Variants in NECTIN2 observed in about 807,000 individuals in gnomAD.
NECTIN2 encodes the protein nectin cell adhesion molecule 2.
NECTIN2 carries 23 observed loss-of-function variants against 56.9 expected under a neutral mutation model. The ratio of observed to expected loss-of-function variants is 0.40; its 90% CI spans 0.29 to 0.57. NECTIN2 has a LOEUF of 0.57. Ranked by LOEUF, NECTIN2 falls within the 20% of genes least tolerant of loss-of-function variation. The pLI, the probability that NECTIN2 is intolerant of heterozygous loss-of-function variation, is 0.38. For missense variants in NECTIN2, 587 were observed against 718.3 expected, an observed-to-expected ratio of 0.82 and a Z score of 2.09; for synonymous variants, 302 against 313.8, an observed-to-expected ratio of 0.96 and a Z score of 0.40.
At chr19:44,859,270 G>A (rs889719977) in intron 1 of NECTIN2, among the ~76,000 whole-genome samples, 2 of 152,164 alleles carry the variant, frequency 1.3e-5, no homozygotes, top group African/African-American at 4.8e-5. Context: ...TACTTAGCAA[G>A]CACTGACCTC....
At chr19:44,867,683 G>A (rs765422617) in intron 2 of NECTIN2, among the ~76,000 whole-genome samples, 5 of 152,124 alleles carry the variant, frequency 3.3e-5, no homozygotes, top group South Asian at 2.1e-4. Context: ...GGAGCTGGGC[G>A]CGTTCCAGGA....
chr19:44,886,080 C>T (rs977139536), intron 7 of NECTIN2, 53 bp from the exon 8 acceptor site: 24 of 1,572,692 alleles, frequency 1.5e-5, no homozygotes, highest in Middle Eastern at 3.3e-4. Flanking sequence ...CAGGGAGAAG[C>T]TGGCTGGGTG....
At chr19:44,848,502 T>C (rs1968862882) in intron 1 of NECTIN2, among the ~76,000 whole-genome samples, 1 of 151,956 alleles carries the variant, frequency 6.6e-6, no homozygotes, top group Admixed American at 6.6e-5. Context: ...GAGATAACAA[T>C]CCTTTCCCTG....
At chr19:44,877,795 C>G (rs1969256827) in intron 5 of NECTIN2, among the ~76,000 whole-genome samples, 1 of 152,330 alleles carries the variant, frequency 6.6e-6, no homozygotes, top group East Asian at 1.9e-4. Flanking sequence ...AGATCTATTG[C>G]ATCCAAATAG....
chr19:44,878,883 A>C (rs904384685), intron 5 of NECTIN2: 1 of 1,293,940 alleles, frequency 7.7e-7, no homozygotes, highest in African/African-American at 1.5e-5. Context: ...TTTTGGCTCC[A>C]GCCTTCCCCT....
rs539311376 is a variant in NECTIN2, at chr19:44,882,337, C to T, written c.1169C>T (p.Thr390Met). The T allele has an allele frequency of 9.9e-6, 15 of 1,520,820 alleles. No homozygotes were observed. Among genetic ancestry groups the T allele is most frequent in the African/African-American group, 1.4e-5 (1 of 71,650 alleles). The allele number at this position is 1,520,820 out of a possible 1,614,324, so 94.2% of individuals were successfully genotyped here. A position where few individuals can be genotyped will look rare whatever the true frequency, so the allele number is the denominator to read the frequency against. ...LICRQQRKEQ[T>M]LQGAEEDEDL... Reference sequence around the variant, plus strand: ...TGCCGGCAGCAGCGGAAGGAGCAGACGCTGCAGGGGGCAGAGGAGGACGAA... The same window carrying T: ...TGCCGGCAGCAGCGGAAGGAGCAGATGCTGCAGGGGGCAGAGGAGGACGAA... The change falls in exon 6 of 9, where the codon ACG becomes ATG. Residue 390 changes from threonine (T) to methionine (M), a missense_variant. Thr to Met is a moderately conservative substitution (Grantham distance 81). Coordinates refer to ENST00000252483, the MANE Select transcript of NECTIN2 (RefSeq NM_001042724.2).
At chr19:44,862,229 A>G (rs1357294076) in intron 1 of NECTIN2, among the ~76,000 whole-genome samples, 2 of 152,214 alleles carry the variant, frequency 1.3e-5, no homozygotes, top group East Asian at 3.9e-4. Context: ...TCTGGGTAAC[A>G]CGGTGAAACC....
Position 44,874,048 on chromosome 19 carries a change from CT to C in NECTIN2, c.893+16del. ...GACTGGAGCACGTGAGTCACGTGGT[CT>C]CAGAACCCTGGGTCTGAGGGAGGCG... On this transcript the variant is annotated intron_variant, in intron 4 of 8. Coordinates refer to ENST00000252483, the MANE Select transcript of NECTIN2 (RefSeq NM_001042724.2). This position sits in a 1 kb window ranked among gnomAD's most constrained non-coding sequence, Gnocchi z 6.3. 1 of 1,595,942 alleles carries C rather than the reference CT, an allele frequency of 6.3e-7. No homozygotes were observed. The highest frequency in any genetic ancestry group is 8.6e-7 in the Non-Finnish European group (1 of 1,164,880).
rs1447494018 is a variant in NECTIN2 at position 44,869,604 on chromosome 19, AAAAAAG to A, written c.479-2244_479-2239del. On this transcript the variant is annotated intron_variant, in intron 2 of 8. Transcript: ENST00000252483. ...CGAGACTCCATCTCAAAAAAAAAAAAAAAAAGAAAAGAAAATATGATTAAGTGTAGG... is the reference window on the plus strand; with the variant it reads ...CGAGACTCCATCTCAAAAAAAAAAAAAAAAGAAAATATGATTAAGTGTAGG... 3.4e-3 allele frequency among the ~76,000 whole-genome samples: 489 copies of A among 145,496 alleles called. 4 individuals carry two copies. Among genetic ancestry groups the A allele is most frequent in the Middle Eastern group, 6.8e-3 (2 of 294 alleles).
chr19:44,863,612 G>C (rs527575979), intron 1 of NECTIN2, among the ~76,000 whole-genome samples: 3 of 151,744 alleles, frequency 2.0e-5, no homozygotes, highest in Non-Finnish European at 2.9e-5. Flanking sequence ...TAGGGCCAAG[G>C]GGGGAGCTGA....
Position 44,875,600 on chromosome 19 carries a change from C to T in NECTIN2, c.1042+1122C>T, listed in dbSNP as rs1380164828. On this transcript the variant is annotated intron_variant, in intron 5 of 8. Transcript: ENST00000252483. This position sits in a 1 kb window ranked among gnomAD's most constrained non-coding sequence, Gnocchi z 4.2. ...CATTCTTAGAAACACGCCAGGGCGA[C>T]GGTCCATGCAGCACACCTGTGCAAA... Among the ~76,000 whole-genome samples the T allele has an allele frequency of 6.6e-6, 1 of 152,190 alleles. No homozygotes were observed. The highest frequency in any genetic ancestry group is 2.4e-5 in the African/African-American group (1 of 41,454).
intron 1 of NECTIN2, 60 bp downstream of exon 1, chr19:44,846,673 G>A (rs1228591060): frequency 1.9e-5 from 29 of 1,487,558 alleles, no homozygotes; most frequent in Non-Finnish European, 2.5e-5. Flanking sequence ...TACCTTCCGA[G>A]CTGGGGAAGC....
At chr19:44,862,878 G>A (rs982578610) in intron 1 of NECTIN2, among the ~76,000 whole-genome samples, 3 of 151,440 alleles carry the variant, frequency 2.0e-5, no homozygotes, top group Admixed American at 1.3e-4. Context: ...GGCCGGGCGC[G>A]GTGGCTCACG....
At chr19:44,858,457 G>A (rs1241489614) in intron 1 of NECTIN2, among the ~76,000 whole-genome samples, 1 of 151,930 alleles carries the variant, frequency 6.6e-6, no homozygotes, top group Non-Finnish European at 1.5e-5. Context: ...CAAGTAGCTG[G>A]GAATACAGGG....
At position 44,865,102 on chromosome 19, in the gene NECTIN2, C is replaced by T. The variant is rs911752881; in HGVS notation, c.89-169C>T. On this transcript the variant is annotated intron_variant, in intron 1 of 8. Transcript: ENST00000252483. The surrounding 1 kb of genome is among the most constrained non-coding windows in gnomAD (Gnocchi z 5.2). ...AATAGAATAGTCATTTTAGTCTTCC[C>T]TAAAATGTCTTTTCCAGGTGGCTTT... 6.6e-6 allele frequency among the ~76,000 whole-genome samples: 1 copy of T among 152,182 alleles called. No individual in the cohort carries two copies. Among genetic ancestry groups the T allele is most frequent in the African/African-American group, 2.4e-5 (1 of 41,442 alleles).
rs148706707 is a variant in NECTIN2 at position 44,868,526 on chromosome 19, G to A, written c.478+2866G>A. Among the ~76,000 whole-genome samples the A allele has an allele frequency of 7.2e-3, 1,003 of 139,366 alleles. 20 individuals carry two copies. The highest frequency in any genetic ancestry group is 0.025 in the African/African-American group (929 of 36,650). The allele number at this position is 139,366 out of a possible 152,430, so 91.4% of individuals were successfully genotyped here. A position where few individuals can be genotyped will look rare whatever the true frequency, so the allele number is the denominator to read the frequency against. The stretch of plus-strand genomic sequence containing the variant: ...TCACTACATTGTCCAGGCTAGACTC[G>A]AACTCCTGGGCTCAGGGGATCCTCC... On this transcript the variant is annotated intron_variant, in intron 2 of 8. Coordinates refer to ENST00000252483, the MANE Select transcript of NECTIN2 (RefSeq NM_001042724.2).
intron 1 of NECTIN2, among the ~76,000 whole-genome samples, chr19:44,855,293 CG>C (rs1968953302): frequency 6.6e-6 from 1 of 150,518 alleles, no homozygotes; most frequent in Admixed American, 6.7e-5. Flanking sequence ...AGCGTGGTGG[CG>C]GGCGCCTGTA....
At chr19:44,878,685 T>G in intron 5 of NECTIN2, 1 of 1,515,360 alleles carries the variant, frequency 6.6e-7, no homozygotes, top group African/African-American at 1.5e-5. Flanking sequence ...CACGCCGGCC[T>G]AGGGTTCCAG....
chr19:44,873,636 A>AACAC (rs34606745), intron 3 of NECTIN2, among the ~76,000 whole-genome samples: 164 of 149,870 alleles, frequency 1.1e-3, no homozygotes, highest in Admixed American at 2.1e-3. Flanking sequence ...CTGTCTCAAA[A>AACAC]ACACACACAC....
Sources: allele counts gnomAD v4.1 joint callset (sites outside exome capture counted in the v4.1 genomes callset), GRCh38; gene constraint gnomAD v4.1.1; non-coding constraint Gnocchi (gnomAD v3.1); transcripts MANE v1.5; gene names NCBI Gene and HGNC (gene_info 2026-07-23, HGNC 2026-07-21).